GSG1L: variants seen among roughly 807,000 people sequenced by gnomAD.
GSG1L encodes the protein GSG1 like, also known as germ cell-specific gene 1-like protein.
A neutral mutation model predicts 42.1 loss-of-function variants in GSG1L; 24 were observed. The observed-to-expected ratio is 0.57, with a 90% CI of 0.41 to 0.80. The LOEUF is 0.80. Ranked by LOEUF, GSG1L falls within the 30% of genes least tolerant of loss-of-function variation. GSG1L has a pLI of 0.00. For missense variants in GSG1L, 445 were observed against 472.2 expected (o/e 0.94, Z 0.53); for synonymous variants, 215 against 203.5 (o/e 1.06, Z -0.48).
At chr16:27,812,534 TG>T (rs1336383886) in intron 5 of GSG1L, among the ~76,000 whole-genome samples, 1 of 152,182 alleles carries the variant, frequency 6.6e-6, no homozygotes, top group African/African-American at 2.4e-5. Flanking sequence ...TCGGCCTGCG[TG>T]GATAGCGTGT....
Position 27,833,765 on chromosome 16 carries a change from C to A in GSG1L, c.663-4809G>T, listed in dbSNP as rs1164331344. Among the ~76,000 whole-genome samples the A allele has an allele frequency of 2.0e-5, 3 of 152,094 alleles. No homozygotes were observed. In the East Asian group the frequency reaches 5.8e-4, roughly 29 times the overall value. On this transcript the variant is annotated intron_variant, in intron 4 of 6. Transcript: ENST00000447459. ...TGTTCATTGCTAGTTTATAAAAATA[C>A]AATTGATTTTGTATTTTTATCTTCT...
intron 1 of GSG1L, among the ~76,000 whole-genome samples, chr16:27,977,040 G>C (rs1339484760): frequency 1.3e-5 from 2 of 152,166 alleles, no homozygotes; most frequent in Non-Finnish European, 2.9e-5. Context: ...TGTTGCCTTA[G>C]AGCCAGGATC....
intron 6 of GSG1L, among the ~76,000 whole-genome samples, chr16:27,798,166 C>T (rs563494200): frequency 1.3e-5 from 2 of 152,154 alleles, no homozygotes; most frequent in Non-Finnish European, 2.9e-5. Flanking sequence ...CCTGTACCCC[C>T]TGAACCTATA....
intron 2 of GSG1L, among the ~76,000 whole-genome samples, chr16:27,949,123 C>T (rs2084922528): frequency 6.6e-6 from 1 of 151,524 alleles, no homozygotes; most frequent in Admixed American, 6.6e-5. Flanking sequence ...TGTTATGCTG[C>T]CAAGGCTGGT....
rs111793846 is a variant in GSG1L at position 28,004,805 on chromosome 16, G to GA, written c.350-41603dup. 1.2e-3 allele frequency among the ~76,000 whole-genome samples: 183 copies of GA among 150,790 alleles called. 4 individuals carry two copies. The South Asian group carries it at 0.034, about 28-fold the overall frequency. Reference sequence around the variant, plus strand: ...AATAAATAAACAAATAAAAGATAGAGAAAAAAAAATCAGAACAGAGTAAAT... The same window carrying GA: ...AATAAATAAACAAATAAAAGATAGAGAAAAAAAAAATCAGAACAGAGTAAAT... On this transcript the variant is annotated intron_variant, in intron 1 of 6. Transcript: ENST00000447459.
Position 28,040,567 on chromosome 16 carries a change from A to T in GSG1L, c.349+22509T>A, listed in dbSNP as rs1019824438. On this transcript the variant is annotated intron_variant, in intron 1 of 6. Transcript: ENST00000447459. The surrounding 1 kb of genome is among the most constrained non-coding windows in gnomAD (Gnocchi z 4.1). The stretch of plus-strand genomic sequence containing the variant: ...GTGCCTGGCATACAGTATGCACTCA[A>T]AAAAAGTCTAATAAATGAACGAATG... Among the ~76,000 whole-genome samples, 10 of 152,210 alleles carry T rather than the reference A, an allele frequency of 6.6e-5. No individual in the cohort carries two copies. The highest frequency in any genetic ancestry group is 1.5e-4 in the Non-Finnish European group (10 of 68,036).
chr16:27,860,398 C>T (rs937289646), intron 3 of GSG1L, among the ~76,000 whole-genome samples: 1 of 152,216 alleles, frequency 6.6e-6, no homozygotes, highest in Non-Finnish European at 1.5e-5. Context: ...TCAGCAGGTC[C>T]GGAAGCCCCC....
At chr16:27,804,037 G>GGATAGAGAGATACA (rs2082924053) in intron 6 of GSG1L, among the ~76,000 whole-genome samples, 2 of 132,676 alleles carry the variant, frequency 1.5e-5, no homozygotes, top group Non-Finnish European at 3.1e-5. Context: ...TAGATTAGAT[G>GGATAGAGAGATACA]GATAGATAGA....
chr16:27,927,481 T>C (rs1428849100), intron 2 of GSG1L, among the ~76,000 whole-genome samples: 1 of 152,126 alleles, frequency 6.6e-6, no homozygotes, highest in Non-Finnish European at 1.5e-5. Flanking sequence ...TCACCTGCTC[T>C]GTGGGGCTCA....
chr16:27,861,165 C>T (rs2083645435), intron 3 of GSG1L, among the ~76,000 whole-genome samples: 2 of 152,192 alleles, frequency 1.3e-5, no homozygotes, highest in African/African-American at 4.8e-5. Context: ...GTCAGGAGTT[C>T]GAGACCAGCC....
chr16:27,821,765 G>A (rs1027448499), intron 5 of GSG1L, among the ~76,000 whole-genome samples: 8 of 152,008 alleles, frequency 5.3e-5, no homozygotes, highest in Admixed American at 1.3e-4. Context: ...TTAGCTGTGC[G>A]TGGTGGCGGG....
At chr16:27,914,530 A>ATTTTT (rs34120581) in intron 2 of GSG1L, among the ~76,000 whole-genome samples, 95 of 139,622 alleles carry the variant, frequency 6.8e-4, no homozygotes, top group African/African-American at 2.3e-3. Flanking sequence ...TTTCTTTTCT[A>ATTTTT]TTTTTTTTTT....
intron 2 of GSG1L, among the ~76,000 whole-genome samples, chr16:27,958,627 G>A (rs1408521428): frequency 6.6e-6 from 1 of 152,048 alleles, no homozygotes; most frequent in Non-Finnish European, 1.5e-5. Context: ...CCAAGGGTGG[G>A]TTTATAAGAG....
chr16:27,926,210 T>C (rs993855500), intron 2 of GSG1L, among the ~76,000 whole-genome samples: 6 of 152,224 alleles, frequency 3.9e-5, no homozygotes, highest in African/African-American at 1.4e-4. Context: ...CAAGTCAATC[T>C]GGTCCCTGTC....
chr16:27,932,772 C>T (rs2141074172), intron 2 of GSG1L, among the ~76,000 whole-genome samples: 1 of 152,260 alleles, frequency 6.6e-6, no homozygotes, highest in African/African-American at 2.4e-5. Flanking sequence ...GACCATGTGC[C>T]ATCACCCAGC....
chr16:28,055,740 G>C (rs2086271884), intron 1 of GSG1L, among the ~76,000 whole-genome samples: 1 of 152,280 alleles, frequency 6.6e-6, no homozygotes, highest in South Asian at 2.1e-4. Context: ...AAAGTGCTGG[G>C]ATTACAGGCA....
At position 27,884,900 on chromosome 16, in the gene GSG1L, CCTTT is replaced by C. The variant is rs1326900329; in HGVS notation, c.398-266_398-263del. ...TATCCTGTGGCTGGACCAAGGGCTCCCTTTCTTTCTCATGGATTAGATGATCACC... is the reference window on the plus strand; with the variant it reads ...TATCCTGTGGCTGGACCAAGGGCTCCCTTTCTCATGGATTAGATGATCACC... On this transcript the variant is annotated intron_variant, in intron 2 of 6. Coordinates refer to ENST00000447459, the MANE Select transcript of GSG1L (RefSeq NM_001109763.2). The surrounding 1 kb of genome is among the most constrained non-coding windows in gnomAD (Gnocchi z 4.4). 6.6e-6 allele frequency among the ~76,000 whole-genome samples: 1 copy of C among 152,122 alleles called. No homozygotes were observed. Among genetic ancestry groups the C allele is most frequent in the African/African-American group, 2.4e-5 (1 of 41,418 alleles).
chr16:28,031,103 G>C (rs145094089), intron 1 of GSG1L, among the ~76,000 whole-genome samples: 2 of 147,614 alleles, frequency 1.4e-5, no homozygotes, highest in Admixed American at 6.8e-5. Context: ...GGATGGGTTG[G>C]AATAAGATGA....
At chr16:27,863,081 T>G (rs905687763) in intron 3 of GSG1L, among the ~76,000 whole-genome samples, 4 of 152,212 alleles carry the variant, frequency 2.6e-5, no homozygotes, top group African/African-American at 9.7e-5. Context: ...TCACTGCTGA[T>G]TTATCTGTTT....
Sources: allele counts gnomAD v4.1 joint callset (sites outside exome capture counted in the v4.1 genomes callset), GRCh38; gene constraint gnomAD v4.1.1; non-coding constraint Gnocchi (gnomAD v3.1); transcripts MANE v1.5; gene names NCBI Gene and HGNC (gene_info 2026-07-23, HGNC 2026-07-21).